The following ADGRB3 variants were observed in gnomAD, a reference collection of about 807,000 sequenced individuals.
ADGRB3 encodes the protein brain-specific angiogenesis inhibitor 3.
ADGRB3 carries 37 observed loss-of-function variants against 193.4 expected under a neutral mutation model. That is an observed-to-expected ratio of 0.19 (90% confidence interval 0.15 to 0.25). ADGRB3 has a LOEUF of 0.25. Among genes scored for constraint, ADGRB3 ranks in the 10% least tolerant of loss-of-function variants. ADGRB3 has a pLI of 1.00. For missense variants in ADGRB3, 1,637 were observed against 1,852.9 expected (o/e 0.88, Z 2.14); for synonymous variants, 690 against 644.2 (o/e 1.07, Z -1.08).
chr6:69,072,517 A>C (rs1486386498), intron 16 of ADGRB3, among the ~76,000 whole-genome samples: 5 of 152,134 alleles, frequency 3.3e-5, no homozygotes, highest in African/African-American at 1.2e-4. Context: ...AATTAAGTTT[A>C]TGTGTTCTTT....
intron 20 of ADGRB3, among the ~76,000 whole-genome samples, chr6:69,318,991 T>C (rs1768379780): frequency 6.6e-6 from 1 of 151,078 alleles, no homozygotes; most frequent in Non-Finnish European, 1.5e-5. Context: ...GAGTCAGCTT[T>C]GTCTTTATAG....
rs777852018 is a variant in ADGRB3 at position 69,361,588 on chromosome 6, GTTGA to G, written c.4239+86_4239+89del. 361 of 1,454,776 alleles carry G rather than the reference GTTGA, an allele frequency of 2.5e-4. No individual in the cohort carries two copies. The African/African-American group carries it at 4.8e-3, about 20-fold the overall frequency. 90.1% of individuals were successfully genotyped at this position (1,454,776 alleles called of 1,614,324 possible). ...TATAAATAGAGATATTGATTGATTGGTTGATTGATTGATGTGACACTGGTGTGGG... is the reference window on the plus strand; with the variant it reads ...TATAAATAGAGATATTGATTGATTGGTTGATTGATGTGACACTGGTGTGGG... On this transcript the variant is annotated intron_variant, in intron 29 of 31. Transcript: ENST00000370598.
intron 3 of ADGRB3, among the ~76,000 whole-genome samples, chr6:68,697,204 A>C (rs1765172793): frequency 6.6e-6 from 1 of 152,046 alleles, no homozygotes; most frequent in African/African-American, 2.4e-5. Context: ...TTTGTTGACA[A>C]AAGCAAATTT....
chr6:69,354,223 C>A lies in ADGRB3; in HGVS notation c.3460-10C>A, dbSNP rs200024209. 1.2e-5 allele frequency: 20 copies of A among 1,604,594 alleles called. No individual in the cohort carries two copies. The highest frequency in any genetic ancestry group is 1.6e-5 in the Non-Finnish European group (19 of 1,171,604). ...AGAGAAGAAAATTAATGTGTTCCCCCTCCCCACAGGTTCAGGATGCATTTA... is the reference window on the plus strand; with the variant it reads ...AGAGAAGAAAATTAATGTGTTCCCCATCCCCACAGGTTCAGGATGCATTTA... On this transcript the variant is annotated splice_polypyrimidine_tract_variant and intron_variant, in intron 26 of 31. Coordinates refer to ENST00000370598, the MANE Select transcript of ADGRB3 (RefSeq NM_001704.3).
At chr6:69,046,340 G>C (rs951238949) in intron 13 of ADGRB3, among the ~76,000 whole-genome samples, 1 of 152,066 alleles carries the variant, frequency 6.6e-6, no homozygotes, top group Admixed American at 6.6e-5. Context: ...GTAGATACAC[G>C]TGATTCTACA....
chr6:68,906,835 T>G (rs896754122), intron 3 of ADGRB3, among the ~76,000 whole-genome samples: 1 of 152,024 alleles, frequency 6.6e-6, no homozygotes, highest in Non-Finnish European at 1.5e-5. Flanking sequence ...ATTTTATTCA[T>G]AATGTTTCTG....
intron 20 of ADGRB3, among the ~76,000 whole-genome samples, chr6:69,282,784 C>G (rs1037389299): frequency 6.6e-6 from 1 of 152,080 alleles, no homozygotes; most frequent in Non-Finnish European, 1.5e-5. Context: ...TCACTAGGTA[C>G]CATGTAAGAA....
chr6:69,353,069 G>A (rs146862270), intron 26 of ADGRB3, among the ~76,000 whole-genome samples: 3 of 152,286 alleles, frequency 2.0e-5, no homozygotes, highest in Admixed American at 6.5e-5. Flanking sequence ...TACTTGGAAA[G>A]ATGTCCATCA....
At chr6:69,056,498 A>G (rs537146898) in intron 15 of ADGRB3, among the ~76,000 whole-genome samples, 42 of 152,092 alleles carry the variant, frequency 2.8e-4, no homozygotes, top group African/African-American at 9.9e-4. Flanking sequence ...ATGAAGTCCT[A>G]TTTGCTCATT....
At chr6:69,210,149 C>CATATATATATATACATATATATATAT (rs1765629117) in intron 17 of ADGRB3, among the ~76,000 whole-genome samples, 3 of 78,938 alleles carry the variant, frequency 3.8e-5, no homozygotes, top group Admixed American at 1.3e-4. Flanking sequence ...TAATATATAT[C>CATATATATATATACATATATATATAT]ATATATATAT....
intron 26 of ADGRB3, among the ~76,000 whole-genome samples, chr6:69,345,329 G>C (rs556783537): frequency 6.6e-6 from 1 of 152,102 alleles, no homozygotes; most frequent in Non-Finnish European, 1.5e-5. Flanking sequence ...TTTCCCTGAT[G>C]AATATCAATG....
At position 69,167,199 on chromosome 6, in the gene ADGRB3, A is replaced by G. The variant is rs555274994; in HGVS notation, c.2481-66091A>G. Reference sequence around the variant, plus strand: ...TATCTGTTTGCAAACTGTATAGATAATTGTGTTTGTAGCCTATAGTATAGA... The same window carrying G: ...TATCTGTTTGCAAACTGTATAGATAGTTGTGTTTGTAGCCTATAGTATAGA... On this transcript the variant is annotated intron_variant, in intron 17 of 31. Coordinates refer to ENST00000370598, the MANE Select transcript of ADGRB3 (RefSeq NM_001704.3). Among the ~76,000 whole-genome samples, 3 of 152,220 alleles carry G rather than the reference A, an allele frequency of 2.0e-5. No homozygotes were observed. The South Asian group carries it at 6.2e-4, about 32-fold the overall frequency.
intron 29 of ADGRB3, among the ~76,000 whole-genome samples, chr6:69,370,647 TG>T (rs1769688558): frequency 6.6e-6 from 1 of 152,188 alleles, no homozygotes; most frequent in Non-Finnish European, 1.5e-5. Context: ...TCTAGGTTCC[TG>T]TCTTTTGCTC....
At chr6:68,707,117 A>T (rs1192938821) in intron 3 of ADGRB3, among the ~76,000 whole-genome samples, 1 of 152,002 alleles carries the variant, frequency 6.6e-6, no homozygotes, top group Non-Finnish European at 1.5e-5. Flanking sequence ...TCTCAAAAAA[A>T]AAAAAAAAAA....
intron 17 of ADGRB3, among the ~76,000 whole-genome samples, chr6:69,146,815 T>A (rs1774510229): frequency 7.2e-6 from 1 of 137,996 alleles, no homozygotes; most frequent in South Asian, 2.4e-4. Flanking sequence ...TTCAATCTCA[T>A]TACTTCTTTT....
chr6:69,131,317 CTT>C (rs1349021593), intron 17 of ADGRB3, among the ~76,000 whole-genome samples: 2 of 151,940 alleles, frequency 1.3e-5, no homozygotes, highest in Non-Finnish European at 2.9e-5. Flanking sequence ...AAGAAAGTAA[CTT>C]AGGTTTGAAT....
At chr6:69,315,767 G>A (rs902933551) in intron 20 of ADGRB3, among the ~76,000 whole-genome samples, 5 of 151,164 alleles carry the variant, frequency 3.3e-5, no homozygotes, top group Admixed American at 1.3e-4. Context: ...TTTATTATAG[G>A]CAAATCAGGA....
At chr6:69,343,681 T>C (rs1233342008) in intron 26 of ADGRB3, among the ~76,000 whole-genome samples, 1 of 152,072 alleles carries the variant, frequency 6.6e-6, no homozygotes, top group Non-Finnish European at 1.5e-5. Context: ...ACTTTTCTTT[T>C]GAATTACTTT....
intron 17 of ADGRB3, among the ~76,000 whole-genome samples, chr6:69,098,630 A>G (rs574162925): frequency 1.3e-5 from 2 of 152,282 alleles, no homozygotes; most frequent in African/African-American, 2.4e-5. Context: ...ACTGCAAGGG[A>G]GAAATAACAC....
Sources: allele counts gnomAD v4.1 joint callset (sites outside exome capture counted in the v4.1 genomes callset), GRCh38; gene constraint gnomAD v4.1.1; transcripts MANE v1.5; gene names NCBI Gene and HGNC (gene_info 2026-07-23, HGNC 2026-07-21).